The following CDH10 variants were observed in gnomAD, a reference collection of about 807,000 sequenced individuals.
CDH10 encodes cadherin-10.
A neutral mutation model predicts 73.1 loss-of-function variants in CDH10; 30 were observed. The ratio of observed to expected loss-of-function variants is 0.41; its 90% CI spans 0.31 to 0.56. The LOEUF is 0.56. CDH10 is among the 20% of genes least tolerant of loss of function. The probability of loss-of-function intolerance (pLI) is 0.27; values close to 1 mark genes in which losing one functional copy is unlikely to be tolerated. For missense variants in CDH10, 815 were observed against 973.7 expected (o/e 0.84, Z 2.17); for synonymous variants, 345 against 348.2 (o/e 0.99, Z 0.10).
chr5:24,545,362 C>T (rs1744301683), intron 2 of CDH10, among the ~76,000 whole-genome samples: 1 of 152,154 alleles, frequency 6.6e-6, no homozygotes, highest in Non-Finnish European at 1.5e-5. Context: ...GCAAGAGATT[C>T]ATTTAAAAGA....
chr5:24,611,959 C>T (rs1299365258), intron 1 of CDH10: 1 of 152,232 alleles, frequency 6.6e-6, no homozygotes, highest in Non-Finnish European at 1.5e-5. Context: ...TGCCAACAAC[C>T]ACCCATTGAG....
At chr5:24,528,604 G>A (rs1002649183) in intron 5 of CDH10, among the ~76,000 whole-genome samples, 6 of 151,970 alleles carry the variant, frequency 3.9e-5, no homozygotes, top group African/African-American at 1.4e-4. Flanking sequence ...TCCCAGAAAA[G>A]AGGTCAGTCG....
At chr5:24,502,373 C>T (rs1742533060) in intron 8 of CDH10, among the ~76,000 whole-genome samples, 1 of 152,070 alleles carries the variant, frequency 6.6e-6, no homozygotes, top group South Asian at 2.1e-4. Context: ...GAAGAAAGGC[C>T]TTAAAACATA....
At chr5:24,604,507 A>C (rs554458509) in intron 1 of CDH10, among the ~76,000 whole-genome samples, 1 of 152,322 alleles carries the variant, frequency 6.6e-6, no homozygotes, top group East Asian at 1.9e-4. Context: ...AAAAGAAAAA[A>C]ACTGACAAAT....
chr5:24,624,382 G>T (rs1747420846), intron 1 of CDH10, among the ~76,000 whole-genome samples: 1 of 151,924 alleles, frequency 6.6e-6, no homozygotes, highest in African/African-American at 2.4e-5. Context: ...AAATATTCCT[G>T]TTAATTCTAC....
At chr5:24,530,084 C>T (rs1028007482) in intron 5 of CDH10, among the ~76,000 whole-genome samples, 1 of 143,370 alleles carries the variant, frequency 7.0e-6, no homozygotes, top group South Asian at 2.2e-4. Context: ...GGGACCCTGA[C>T]CACCTGCTTA....
At chr5:24,576,503 C>G (rs1024048707) in intron 2 of CDH10, among the ~76,000 whole-genome samples, 1 of 152,030 alleles carries the variant, frequency 6.6e-6, no homozygotes, top group Non-Finnish European at 1.5e-5. Flanking sequence ...ACTGAGACAT[C>G]TTGCAGTGCT....
intron 1 of CDH10, chr5:24,612,302 G>A (rs1213965856): frequency 1.3e-5 from 2 of 152,150 alleles, no homozygotes; most frequent in African/African-American, 4.8e-5. Context: ...AGTAAGAATA[G>A]TTCCCTGAAC....
At chr5:24,512,501 C>T (rs769189820) in intron 5 of CDH10, among the ~76,000 whole-genome samples, 192 of 137,946 alleles carry the variant, frequency 1.4e-3, no homozygotes, top group Non-Finnish European at 2.2e-3. Flanking sequence ...TGAAATCAGC[C>T]ATAATGGGTA....
intron 1 of CDH10, among the ~76,000 whole-genome samples, chr5:24,622,372 G>A (rs1301392543): frequency 1.3e-5 from 2 of 152,148 alleles, no homozygotes; most frequent in African/African-American, 4.8e-5. Flanking sequence ...GAGAAGAAAG[G>A]GCCTGAGGGA....
At chr5:24,529,004 CT>C (rs1743631628) in intron 5 of CDH10, among the ~76,000 whole-genome samples, 1 of 151,882 alleles carries the variant, frequency 6.6e-6, no homozygotes, top group African/African-American at 2.4e-5. Flanking sequence ...GGAAAAATTA[CT>C]TTTGCACCAA....
At chr5:24,633,182 C>G (rs925224728) in intron 1 of CDH10, among the ~76,000 whole-genome samples, 5 of 151,486 alleles carry the variant, frequency 3.3e-5, no homozygotes, top group African/African-American at 1.2e-4. Context: ...ATACCTAGGT[C>G]AATGCTTATT....
intron 5 of CDH10, among the ~76,000 whole-genome samples, chr5:24,524,529 T>C (rs967485648): frequency 5.9e-5 from 9 of 152,140 alleles, no homozygotes; most frequent in Non-Finnish European, 1.2e-4. Flanking sequence ...GCTTTAATTA[T>C]GTGGTACGCT....
chr5:24,503,512 T>C (rs1742573503), intron 8 of CDH10, among the ~76,000 whole-genome samples: 2 of 152,218 alleles, frequency 1.3e-5, no homozygotes, highest in Admixed American at 1.3e-4. Context: ...AATTTACTTT[T>C]AACAAGCACC....
intron 1 of CDH10, among the ~76,000 whole-genome samples, chr5:24,604,539 G>A (rs1191795243): frequency 6.6e-6 from 1 of 151,944 alleles, no homozygotes; most frequent in South Asian, 2.1e-4. Flanking sequence ...AAAATTAAAA[G>A]CAAAAGTCTC....
At chr5:24,592,743 AG>A (rs1746242151) in intron 2 of CDH10, among the ~76,000 whole-genome samples, 1 of 151,840 alleles carries the variant, frequency 6.6e-6, no homozygotes, top group Non-Finnish European at 1.5e-5. Flanking sequence ...GTGTGACCTA[AG>A]AAAAATAAAT....
At chr5:24,644,385 G>A (rs954861809) in intron 1 of CDH10, among the ~76,000 whole-genome samples, 4 of 151,996 alleles carry the variant, frequency 2.6e-5, no homozygotes, top group African/African-American at 9.7e-5. Context: ...GCTTTACATT[G>A]CCTATATAGA....
chr5:24,525,653 G>C (rs914107323), intron 5 of CDH10, among the ~76,000 whole-genome samples: 1 of 152,052 alleles, frequency 6.6e-6, no homozygotes, highest in African/African-American at 2.4e-5. Flanking sequence ...TCACACCAGA[G>C]ACTGAGAAAC....
intron 5 of CDH10, among the ~76,000 whole-genome samples, chr5:24,526,379 C>A (rs1461350901): frequency 6.6e-6 from 1 of 151,928 alleles, no homozygotes; most frequent in Non-Finnish European, 1.5e-5. Context: ...TCCCCTGGTT[C>A]TGTCATGCTA....
Sources: allele counts gnomAD v4.1 joint callset (sites outside exome capture counted in the v4.1 genomes callset), GRCh38; gene constraint gnomAD v4.1.1; transcripts MANE v1.5; gene names NCBI Gene and HGNC (gene_info 2026-07-23, HGNC 2026-07-21).